The following EXOC6B variants were observed in gnomAD, a reference collection of about 807,000 sequenced individuals.
EXOC6B encodes exocyst complex component 6B.
In EXOC6B, 54 loss-of-function variants were observed where a neutral mutation model predicts 113.5. That is an observed-to-expected ratio of 0.48 (90% CI 0.38 to 0.60). The LOEUF (loss-of-function observed/expected upper bound fraction) is 0.60, where lower values mean the gene tolerates loss of function less well. Among genes scored for constraint, EXOC6B ranks in the 20% least tolerant of loss-of-function variants. The pLI, the probability that EXOC6B is intolerant of heterozygous loss-of-function variation, is 0.00. For missense variants in EXOC6B, 797 were observed against 977.5 expected (o/e 0.82, Z 2.46); for synonymous variants, 357 against 339.0 (o/e 1.05, Z -0.58).
At chr2:72,632,494 A>G (rs186700143) in intron 6 of EXOC6B, among the ~76,000 whole-genome samples, 1 of 152,332 alleles carries the variant, frequency 6.6e-6, no homozygotes, top group Non-Finnish European at 1.5e-5. Flanking sequence ...TTATGGTTAT[A>G]TAGTTGGTAT....
chr2:72,321,626 A>G (rs978574213), intron 20 of EXOC6B, among the ~76,000 whole-genome samples: 16 of 152,288 alleles, frequency 1.1e-4, no homozygotes, highest in Non-Finnish European at 1.9e-4. Flanking sequence ...GAGAAAATTA[A>G]AAGTATGTTT....
intron 20 of EXOC6B, among the ~76,000 whole-genome samples, chr2:72,228,857 G>C (rs1559038263): frequency 2.6e-5 from 4 of 152,106 alleles, no homozygotes; most frequent in African/African-American, 9.7e-5. Flanking sequence ...TTCCACAATG[G>C]TTGAACCAGT....
At chr2:72,192,877 A>T (rs1678934771) in intron 20 of EXOC6B, among the ~76,000 whole-genome samples, 2 of 152,198 alleles carry the variant, frequency 1.3e-5, no homozygotes, top group Admixed American at 6.5e-5. Context: ...GTTAAACAGG[A>T]TAGACTACAA....
intron 20 of EXOC6B, among the ~76,000 whole-genome samples, chr2:72,211,128 G>A (rs979075051): frequency 3.3e-5 from 5 of 152,178 alleles, no homozygotes; most frequent in Admixed American, 6.5e-5. Context: ...CTGCCTGGGC[G>A]CCTGCAACCT....
In EXOC6B at chr2:72,193,746, C is replaced by T. The variant is rs111554806; in HGVS notation, c.2197-9559G>A. 4.7e-3 allele frequency among the ~76,000 whole-genome samples: 713 copies of T among 152,210 alleles called. 2 individuals carry two copies. Among genetic ancestry groups the T allele is most frequent in the Non-Finnish European group, 8.3e-3 (565 of 68,018 alleles). ...AGGAATCTGACATGGCTAGATCTCT[C>T]AGGAGTGCTTTGGGAATAACCAAGA... On this transcript the variant is annotated intron_variant, in intron 20 of 21. Coordinates refer to ENST00000272427, the MANE Select transcript of EXOC6B (RefSeq NM_015189.3).
intron 1 of EXOC6B, among the ~76,000 whole-genome samples, chr2:72,793,591 AG>A (rs1442661024): frequency 6.6e-6 from 1 of 152,226 alleles, no homozygotes. Flanking sequence ...TGGAGGAGTC[AG>A]GAAAAAAAAG....
intron 11 of EXOC6B, among the ~76,000 whole-genome samples, chr2:72,503,784 T>C (rs1332259297): frequency 6.6e-6 from 1 of 152,238 alleles, no homozygotes; most frequent in Non-Finnish European, 1.5e-5. Flanking sequence ...TCCTCAAAGC[T>C]GGCTGTACCA....
intron 6 of EXOC6B, among the ~76,000 whole-genome samples, chr2:72,577,669 A>G (rs1704960149): frequency 6.6e-6 from 1 of 151,532 alleles, no homozygotes; most frequent in South Asian, 2.1e-4. Flanking sequence ...AAATATATAA[A>G]TACATATAAT....
intron 1 of EXOC6B, among the ~76,000 whole-genome samples, chr2:72,789,357 T>C (rs1684549875): frequency 1.3e-5 from 2 of 152,088 alleles, no homozygotes; most frequent in South Asian, 4.2e-4. Flanking sequence ...ACCTACTTCA[T>C]CCCCACCCTG....
At chr2:72,467,778 A>ATT (rs201874813) in intron 17 of EXOC6B, among the ~76,000 whole-genome samples, 3 of 147,982 alleles carry the variant, frequency 2.0e-5, no homozygotes, top group Non-Finnish European at 4.5e-5. Context: ...TTTTTTATTT[A>ATT]TTTTTTTTTT....
intron 6 of EXOC6B, among the ~76,000 whole-genome samples, chr2:72,612,777 C>T (rs994108452): frequency 2.0e-5 from 3 of 152,190 alleles, no homozygotes; most frequent in Admixed American, 1.3e-4. Flanking sequence ...CCTCCCTATA[C>T]TTCCTTACAA....
At chr2:72,600,637 CAGCCGGAA>C (rs1305059803) in intron 6 of EXOC6B, among the ~76,000 whole-genome samples, 2 of 151,934 alleles carry the variant, frequency 1.3e-5, no homozygotes, top group African/African-American at 2.4e-5. Flanking sequence ...GATGATGGAA[CAGCCGGAA>C]AGCCTCATGC....
chr2:72,668,805 A>G (rs572460852), intron 6 of EXOC6B, among the ~76,000 whole-genome samples: 103 of 152,298 alleles, frequency 6.8e-4, no homozygotes, highest in African/African-American at 2.4e-3. Context: ...CTGAAAAACT[A>G]CCTGTTGGGT....
chr2:72,729,316 A>T (rs1409421661), intron 5 of EXOC6B, among the ~76,000 whole-genome samples: 1 of 151,242 alleles, frequency 6.6e-6, no homozygotes. Flanking sequence ...TATATGTTTT[A>T]TATATATACT....
At chr2:72,304,474 CT>C (rs1686712089) in intron 20 of EXOC6B, among the ~76,000 whole-genome samples, 1 of 152,062 alleles carries the variant, frequency 6.6e-6, no homozygotes. Context: ...TTGCCCAACA[CT>C]AGATATCATG....
chr2:72,225,171 A>T (rs910669009), intron 20 of EXOC6B, among the ~76,000 whole-genome samples: 3 of 151,860 alleles, frequency 2.0e-5, no homozygotes, highest in African/African-American at 7.3e-5. Context: ...TTAGACATCA[A>T]ACTGCTTTAT....
At chr2:72,545,255 T>C (rs1292912268) in intron 8 of EXOC6B, among the ~76,000 whole-genome samples, 3 of 152,100 alleles carry the variant, frequency 2.0e-5, no homozygotes, top group Admixed American at 2.0e-4. Context: ...CTGGCAAAAA[T>C]GATATGAGGC....
chr2:72,486,507 C>A (rs371605750), intron 16 of EXOC6B, among the ~76,000 whole-genome samples: 1 of 152,106 alleles, frequency 6.6e-6, no homozygotes, highest in Non-Finnish European at 1.5e-5. Flanking sequence ...TTTACACACT[C>A]CTAGAGGACT....
chr2:72,377,264 A>G (rs1186223338), intron 19 of EXOC6B, among the ~76,000 whole-genome samples: 1 of 152,228 alleles, frequency 6.6e-6, no homozygotes, highest in Non-Finnish European at 1.5e-5. Flanking sequence ...AATGTAAATT[A>G]GTACAGCCAT....
Sources: gnomAD v4.1 joint callset for allele counts (sites outside exome capture counted in the v4.1 genomes callset) on GRCh38, gnomAD v4.1.1 for gene constraint, MANE v1.5 for transcripts, NCBI Gene and HGNC (gene_info 2026-07-23, HGNC 2026-07-21) for gene names.